Variants in GALNT7 observed in about 807,000 individuals in gnomAD.
GALNT7 encodes polypeptide N-acetylgalactosaminyltransferase 7.
GALNT7 carries 60 observed loss-of-function variants against 82.1 expected under a neutral mutation model. The observed-to-expected ratio is 0.73, with a 90% CI of 0.59 to 0.91. The LOEUF (loss-of-function observed/expected upper bound fraction) is 0.91, where lower values mean the gene tolerates loss of function less well. GALNT7 is among the 40% of genes least tolerant of loss of function. The pLI is 0.00. For synonymous variants in GALNT7, 243 were observed against 275.1 expected, an observed-to-expected ratio of 0.88 and a Z score of 1.15; for missense variants, 660 against 804.2, an observed-to-expected ratio of 0.82 and a Z score of 2.17.
chr4:173,264,059 G>A lies in GALNT7; in HGVS notation c.587+15619G>A, dbSNP rs1735382639. ...ACATAGACAAAATAATTGTTTTAAAGTTAGTCTTAGGACCAAATTTTCAGT... is the reference window on the plus strand; with the variant it reads ...ACATAGACAAAATAATTGTTTTAAAATTAGTCTTAGGACCAAATTTTCAGT... On this transcript the variant is annotated intron_variant, in intron 2 of 11. Coordinates refer to ENST00000265000, the MANE Select transcript of GALNT7 (RefSeq NM_017423.3). Among the ~76,000 whole-genome samples the A allele has an allele frequency of 2.6e-5, 4 of 152,116 alleles. No individual in the cohort carries two copies. In the South Asian group the frequency reaches 8.3e-4, roughly 32 times the overall value.
chr4:173,241,222 A>AG (rs1554023671), intron 1 of GALNT7, among the ~76,000 whole-genome samples: 53 of 112,558 alleles, frequency 4.7e-4, no homozygotes, highest in African/African-American at 1.8e-3. Context: ...AAAAAAAAAA[A>AG]AAAGAAAGAA....
chr4:173,295,467 A>G lies in GALNT7; in HGVS notation c.826A>G (p.Arg276Gly), dbSNP rs1203966448. Residue 276 changes from arginine (R) to glycine (G), a missense_variant, in exon 4 of 12, where the codon AGA (arginine) becomes GGA (glycine). Physicochemically the swap from Arg to Gly is moderately radical, Grantham distance 125. Coordinates refer to ENST00000265000, the MANE Select transcript of GALNT7 (RefSeq NM_017423.3). Reference protein sequence around the residue: ...NGLVKVFRNERREGLIQARSI... With the variant: ...NGLVKVFRNEGREGLIQARSI... ...CCTAGTGAAGGTATTTCGAAATGAA[A>G]GAAGGGAAGGTTTAATTCAAGCACG... 6.2e-7 allele frequency: 1 copy of G among 1,612,622 alleles called. No homozygotes were observed. The highest frequency in any genetic ancestry group is 1.7e-5 in the Admixed American group (1 of 60,016).
chr4:173,215,564 G>C (rs1477964589), intron 1 of GALNT7, among the ~76,000 whole-genome samples: 1 of 152,090 alleles, frequency 6.6e-6, no homozygotes, highest in East Asian at 1.9e-4. Flanking sequence ...AAGTCCTGGG[G>C]AACCCGACTG....
intron 2 of GALNT7, among the ~76,000 whole-genome samples, chr4:173,270,905 C>CT (rs1204112912): frequency 6.6e-6 from 1 of 152,198 alleles, no homozygotes; most frequent in Non-Finnish European, 1.5e-5. Context: ...GGCTCCTGCT[C>CT]TATCAGTATG....
At position 173,287,907 on chromosome 4, in the gene GALNT7, A is replaced by G. The variant is rs144081393; in HGVS notation, c.588-4201A>G. On this transcript the variant is annotated intron_variant, in intron 2 of 11. Coordinates refer to ENST00000265000, the MANE Select transcript of GALNT7 (RefSeq NM_017423.3). ...TAGTGAAACATTGAAATCCCAGAGAATGGGACCAATTGACTTCCAAATATA... is the reference window on the plus strand; with the variant it reads ...TAGTGAAACATTGAAATCCCAGAGAGTGGGACCAATTGACTTCCAAATATA... Among the ~76,000 whole-genome samples the G allele has an allele frequency of 1.1e-3, 173 of 152,296 alleles. 2 individuals carry two copies. The East Asian group carries it at 0.032, about 28-fold the overall frequency.
At chr4:173,308,783 A>G (rs1737257923) in intron 8 of GALNT7, among the ~76,000 whole-genome samples, 1 of 152,134 alleles carries the variant, frequency 6.6e-6, no homozygotes, top group Non-Finnish European at 1.5e-5. Flanking sequence ...GGCACCTGCA[A>G]TCCCAGCTAC....
chr4:173,262,237 C>A (rs1735299994), intron 2 of GALNT7, among the ~76,000 whole-genome samples: 1 of 151,988 alleles, frequency 6.6e-6, no homozygotes, highest in Non-Finnish European at 1.5e-5. Context: ...GTACTAAAAA[C>A]TAGTGGTAGT....
chr4:173,308,873 A>G (rs991153496), intron 8 of GALNT7, among the ~76,000 whole-genome samples: 1 of 152,240 alleles, frequency 6.6e-6, no homozygotes, highest in African/African-American at 2.4e-5. Context: ...GCTGCACTCC[A>G]GCCTGGGCAA....
intron 1 of GALNT7, among the ~76,000 whole-genome samples, chr4:173,208,439 A>G (rs1313319874): frequency 6.6e-6 from 1 of 152,152 alleles, no homozygotes; most frequent in East Asian, 1.9e-4. Flanking sequence ...TAACTCACCT[A>G]ATTCTATTTT....
At chr4:173,201,603 C>G (rs761991512) in intron 1 of GALNT7, among the ~76,000 whole-genome samples, 2 of 152,144 alleles carry the variant, frequency 1.3e-5, no homozygotes, top group African/African-American at 2.4e-5. Context: ...TTACAGGATT[C>G]AAATCAACAT....
At chr4:173,205,199 G>T (rs1733047604) in intron 1 of GALNT7, among the ~76,000 whole-genome samples, 1 of 152,160 alleles carries the variant, frequency 6.6e-6, no homozygotes, top group Non-Finnish European at 1.5e-5. Flanking sequence ...TCTGAAGCCT[G>T]GGGGGCTGAC....
chr4:173,235,231 C>T (rs1168613456), intron 1 of GALNT7, among the ~76,000 whole-genome samples: 2 of 152,176 alleles, frequency 1.3e-5, no homozygotes, highest in East Asian at 1.9e-4. Context: ...ATGCTTCTGT[C>T]CCTTCCAAGG....
At chr4:173,294,789 A>T (rs994381116) in intron 3 of GALNT7, among the ~76,000 whole-genome samples, 1 of 152,182 alleles carries the variant, frequency 6.6e-6, no homozygotes, top group Non-Finnish European at 1.5e-5. Flanking sequence ...ATATGTATGT[A>T]TAATTAGAAT....
intron 1 of GALNT7, among the ~76,000 whole-genome samples, chr4:173,186,721 T>C (rs1561146092): frequency 1.3e-5 from 2 of 152,208 alleles, no homozygotes; most frequent in South Asian, 2.1e-4. Flanking sequence ...TTAAAAGTTA[T>C]ATCCTTAAAT....
intron 2 of GALNT7, among the ~76,000 whole-genome samples, chr4:173,285,143 TTATCTC>T (rs544011964): frequency 2.6e-4 from 39 of 152,364 alleles, no homozygotes; most frequent in African/African-American, 9.4e-4. Context: ...AGACAATCCT[TTATCTC>T]TAGGCAAAAT....
chr4:173,247,969 C>T lies in GALNT7; in HGVS notation c.127-11C>T. 1.3e-6 allele frequency: 2 copies of T among 1,583,630 alleles called. No individual in the cohort carries two copies. Among genetic ancestry groups the T allele is most frequent in the Non-Finnish European group, 1.7e-6 (2 of 1,156,100 alleles). On this transcript the variant is annotated splice_polypyrimidine_tract_variant and intron_variant, in intron 1 of 11. Coordinates refer to ENST00000265000, the MANE Select transcript of GALNT7 (RefSeq NM_017423.3). ...CATGTACTCATTGTATATCCCCTCC[C>T]TTTTGTATAGGAAGACAGAGATGTC...
At chr4:173,211,480 T>C (rs1182695438) in intron 1 of GALNT7, among the ~76,000 whole-genome samples, 23 of 152,226 alleles carry the variant, frequency 1.5e-4, no homozygotes, top group Admixed American at 1.5e-3. Flanking sequence ...CAGTCTTCCA[T>C]TCACAAATCT....
chr4:173,221,782 C>T (rs1733652579), intron 1 of GALNT7, among the ~76,000 whole-genome samples: 2 of 152,150 alleles, frequency 1.3e-5, no homozygotes. Flanking sequence ...TTAAGTTTTG[C>T]TGTCACATCT....
rs866581479 is a variant in GALNT7, at chr4:173,320,103, G to A, written c.1837-1477G>A. 1.3e-5 allele frequency among the ~76,000 whole-genome samples: 2 copies of A among 152,212 alleles called. No homozygotes were observed. Among genetic ancestry groups the A allele is most frequent in the Middle Eastern group, 3.4e-3 (1 of 294 alleles). ...GAGGGATAGACCTTATTTGAGGAAGGTAGTGATGGAAAACAATGGCTACTT... is the reference window on the plus strand; with the variant it reads ...GAGGGATAGACCTTATTTGAGGAAGATAGTGATGGAAAACAATGGCTACTT... On this transcript the variant is annotated intron_variant, in intron 11 of 11. Coordinates refer to ENST00000265000, the MANE Select transcript of GALNT7 (RefSeq NM_017423.3). This position sits in a 1 kb window ranked among gnomAD's most constrained non-coding sequence, Gnocchi z 4.1.
Sources: gnomAD v4.1 joint callset for allele counts (sites outside exome capture counted in the v4.1 genomes callset) on GRCh38, gnomAD v4.1.1 for gene constraint, Gnocchi (gnomAD v3.1) non-coding constraint, MANE v1.5 for transcripts, NCBI Gene and HGNC (gene_info 2026-07-23, HGNC 2026-07-21) for gene names.